The following FOCAD variants were observed in gnomAD, a reference collection of about 807,000 sequenced individuals.
FOCAD encodes focadhesin.
A neutral mutation model predicts 225.6 loss-of-function variants in FOCAD; 198 were observed. The observed-to-expected ratio is 0.88, with a 90% confidence interval of 0.78 to 0.99. The LOEUF is 0.99. Ranked by LOEUF, FOCAD falls within the 50% of genes least tolerant of loss-of-function variation. The pLI, the probability that FOCAD is intolerant of heterozygous loss-of-function variation, is 0.00. For synonymous variants in FOCAD, 897 were observed against 755.0 expected, an observed-to-expected ratio of 1.19 and a Z score of -3.08; for missense variants, 2,713 against 2,123.6, an observed-to-expected ratio of 1.28 and a Z score of -5.46.
intron 1 of FOCAD, among the ~76,000 whole-genome samples, chr9:20,687,883 G>T (rs988182512): frequency 2.0e-5 from 3 of 152,168 alleles, no homozygotes; most frequent in African/African-American, 7.2e-5. Flanking sequence ...CTGTGTGCAA[G>T]GTTTGAGGAG....
intron 11 of FOCAD, 103 bp downstream of exon 11, chr9:20,789,711 A>T: frequency 1.5e-6 from 2 of 1,362,700 alleles, no homozygotes; most frequent in Non-Finnish European, 9.9e-7. Context: ...GTTTTAAATT[A>T]TGGGTTGATG....
chr9:20,667,666 A>G (rs962270435), intron 2 of FOCAD, among the ~76,000 whole-genome samples: 8 of 152,244 alleles, frequency 5.3e-5, no homozygotes, highest in African/African-American at 1.4e-4. Context: ...GGTGCTTTAC[A>G]GTTGACACCT....
chr9:20,886,004 T>C (rs542470166), intron 21 of FOCAD, among the ~76,000 whole-genome samples: 22 of 152,218 alleles, frequency 1.4e-4, no homozygotes, highest in Non-Finnish European at 2.5e-4. Context: ...TTCTAAAATA[T>C]CTTTCTATAA....
intron 10 of FOCAD, among the ~76,000 whole-genome samples, chr9:20,789,105 A>G (rs920069255): frequency 6.6e-6 from 1 of 152,086 alleles, no homozygotes; most frequent in Non-Finnish European, 1.5e-5. Context: ...TTAATGGGGA[A>G]TGAATGGTAA....
intron 17 of FOCAD, 102 bp downstream of exon 17, chr9:20,866,078 A>C: frequency 1.0e-6 from 1 of 981,790 alleles, no homozygotes; most frequent in Non-Finnish European, 1.5e-6. Context: ...ACTGCCTTGA[A>C]ATAATGGGTT....
rs1564024181 is a variant in FOCAD, at chr9:20,815,123, G to GTGTTTTTTTCTT, written c.1456-4672_1456-4671insGTTTTTTTCTTT. 2.3e-5 allele frequency among the ~76,000 whole-genome samples: 2 copies of GTGTTTTTTTCTT among 85,396 alleles called. 1 individual carries two copies. The highest frequency in any genetic ancestry group is 4.5e-5 in the Non-Finnish European group (2 of 44,554). 56.0% of individuals were successfully genotyped at this position (85,396 alleles called of 152,430 possible). On this transcript the variant is annotated intron_variant, in intron 11 of 43. Transcript: ENST00000338382. The stretch of plus-strand genomic sequence containing the variant: ...TCTGGAAATATCATTACTTCTCTTT[G>GTGTTTTTTTCTT]TTTTTTTTTTTTTGTTTTTTTTTTT...
chr9:20,829,024 A>G (rs913779662), intron 15 of FOCAD, among the ~76,000 whole-genome samples: 1 of 151,848 alleles, frequency 6.6e-6, no homozygotes, highest in African/African-American at 2.4e-5. Flanking sequence ...CATTTTCTTG[A>G]TCTGGTCTAT....
intron 4 of FOCAD, among the ~76,000 whole-genome samples, chr9:20,723,047 G>A (rs1036835966): frequency 1.3e-5 from 2 of 152,146 alleles, no homozygotes; most frequent in Non-Finnish European, 2.9e-5. Flanking sequence ...AGAAAATTAT[G>A]CTGGTGTGAG....
chr9:20,742,527 T>C (rs886606928), intron 5 of FOCAD, among the ~76,000 whole-genome samples: 1 of 152,196 alleles, frequency 6.6e-6, no homozygotes, highest in African/African-American at 2.4e-5. Flanking sequence ...ATGCAGAACC[T>C]TGGACTCCAT....
rs2891155 is a variant in FOCAD at position 20,927,341 on chromosome 9, A to G, written c.3078+924A>G. Among the ~76,000 whole-genome samples the G allele has an allele frequency of 8.8e-4, 134 of 151,986 alleles. 3 individuals are homozygous for G. In the South Asian group the frequency reaches 9.1e-3, roughly 10 times the overall value. On this transcript the variant is annotated intron_variant, in intron 26 of 43. Transcript: ENST00000338382. Reference sequence around the variant, plus strand: ...ATAGTAGTTGTAGCCCTTGCTCCCCACTTCTTGTTTTTGTGACTGTTGACA... The same window carrying G: ...ATAGTAGTTGTAGCCCTTGCTCCCCGCTTCTTGTTTTTGTGACTGTTGACA...
intron 24 of FOCAD, among the ~76,000 whole-genome samples, chr9:20,920,601 G>A (rs1834320824): frequency 7.2e-6 from 1 of 138,730 alleles, no homozygotes; most frequent in African/African-American, 2.7e-5. Context: ...AAGAAAATGT[G>A]GCACATATAC....
intron 42 of FOCAD, 45 bp from the exon 43 acceptor site, chr9:20,993,208 T>C: frequency 6.7e-7 from 1 of 1,485,418 alleles, no homozygotes; most frequent in Non-Finnish European, 9.4e-7. Flanking sequence ...CTTTTGCTGA[T>C]GGTAGGATTC....
At chr9:20,724,227 A>T (rs146341479) in intron 4 of FOCAD, among the ~76,000 whole-genome samples, 3 of 151,972 alleles carry the variant, frequency 2.0e-5, no homozygotes, top group East Asian at 3.9e-4. Flanking sequence ...ACAGCTTTCT[A>T]TTTTTTTTCT....
chr9:20,676,313 G>A (rs1822233672), intron 2 of FOCAD, among the ~76,000 whole-genome samples: 1 of 152,144 alleles, frequency 6.6e-6, no homozygotes, highest in Non-Finnish European at 1.5e-5. Flanking sequence ...CTATCACACA[G>A]CAGTTTTATG....
chr9:20,700,496 C>G (rs1281731642), intron 1 of FOCAD, among the ~76,000 whole-genome samples: 1 of 147,934 alleles, frequency 6.8e-6, no homozygotes, highest in Admixed American at 6.7e-5. Flanking sequence ...GGCTGAAGTT[C>G]ACCTTTGCAC....
chr9:20,819,466 G>C (rs1234943837), intron 11 of FOCAD, among the ~76,000 whole-genome samples: 1 of 152,032 alleles, frequency 6.6e-6, no homozygotes, highest in Non-Finnish European at 1.5e-5. Context: ...CTCCTGCCTT[G>C]CGTTCTCAAA....
chr9:20,725,895 G>T lies in FOCAD; in HGVS notation c.287+5361G>T, dbSNP rs183622517. ...AAAGCTGAGGCAACATGAAACAATTGTAAACTCGTTTTTATAGCTTCTGTA... is the reference window on the plus strand; with the variant it reads ...AAAGCTGAGGCAACATGAAACAATTTTAAACTCGTTTTTATAGCTTCTGTA... On this transcript the variant is annotated intron_variant, in intron 4 of 43. Coordinates refer to ENST00000338382, the MANE Select transcript of FOCAD (RefSeq NM_001375567.1). Among the ~76,000 whole-genome samples the T allele has an allele frequency of 5.9e-5, 9 of 152,196 alleles. No homozygotes were observed. The East Asian group carries it at 1.5e-3, about 26-fold the overall frequency.
chr9:20,778,559 A>G (rs1819033714), intron 8 of FOCAD, 122 bp from the exon 9 acceptor site: 1 of 582,436 alleles, frequency 1.7e-6, no homozygotes, highest in Non-Finnish European at 3.1e-6. Flanking sequence ...TGCTGTATAA[A>G]TAAATTTGTG....
chr9:20,969,400 C>A (rs980149725), intron 35 of FOCAD, among the ~76,000 whole-genome samples: 20 of 151,992 alleles, frequency 1.3e-4, no homozygotes, highest in Non-Finnish European at 2.5e-4. Flanking sequence ...TACTGTAGAG[C>A]TATCTATTTC....
Sources: allele counts gnomAD v4.1 joint callset (sites outside exome capture counted in the v4.1 genomes callset), GRCh38; gene constraint gnomAD v4.1.1; transcripts MANE v1.5; gene names NCBI Gene and HGNC (gene_info 2026-07-23, HGNC 2026-07-21).